The following OPHN1 variants were observed in gnomAD, a reference collection of about 807,000 sequenced individuals.
OPHN1 encodes oligophrenin 1, also known as oligophrenin-1.
A neutral mutation model predicts 60.7 loss-of-function variants in OPHN1; 11 were observed. That is an observed-to-expected ratio of 0.18 (90% CI 0.11 to 0.30). The LOEUF is 0.30. Among genes scored for constraint, OPHN1 ranks in the 10% least tolerant of loss-of-function variants. OPHN1 has a pLI of 1.00. For synonymous variants in OPHN1, 226 were observed against 222.6 expected, an observed-to-expected ratio of 1.02 and a Z score of -0.14; for missense variants, 449 against 611.0, an observed-to-expected ratio of 0.73 and a Z score of 2.80.
chrX:68,148,683 G>A (rs2077273578), intron 15 of OPHN1, among the ~76,000 whole-genome samples: 1 of 111,176 alleles, frequency 9.0e-6, no homozygotes, highest in South Asian at 3.8e-4. Flanking sequence ...TTATTAGGAA[G>A]TAATCACAGT....
chrX:68,391,793 G>A (rs1453429983), intron 2 of OPHN1, among the ~76,000 whole-genome samples: 2 of 111,433 alleles, frequency 1.8e-5, no homozygotes, highest in African/African-American at 6.5e-5. Context: ...AGAGATTGGA[G>A]CAATGTGCTT....
At chrX:68,282,117 A>C (rs1222015756) in intron 4 of OPHN1, among the ~76,000 whole-genome samples, 1 of 112,441 alleles carries the variant, frequency 8.9e-6, no homozygotes, top group Non-Finnish European at 1.9e-5. Flanking sequence ...ATCAACACAA[A>C]AACCTACATA....
At chrX:68,109,204 C>G (rs761164488) in intron 18 of OPHN1, among the ~76,000 whole-genome samples, 64 of 111,244 alleles carry the variant, frequency 5.8e-4, no homozygotes, top group Admixed American at 1.2e-3. Flanking sequence ...TTGCCAACCA[C>G]TCATCTACTT....
chrX:68,412,957 C>T (rs1164689079), intron 2 of OPHN1, among the ~76,000 whole-genome samples: 5 of 111,562 alleles, frequency 4.5e-5, no homozygotes, highest in Non-Finnish European at 7.5e-5. Context: ...GAAGGTACTG[C>T]AGATGTCAGG....
intron 20 of OPHN1, chrX:68,071,340 G>C (rs2147368866): frequency 1.4e-6 from 1 of 736,885 alleles, no homozygotes; most frequent in East Asian, 3.2e-5. Flanking sequence ...CTTCTATTTT[G>C]GCGGGCTCAC....
At chrX:68,307,171 G>T (rs1453867791) in intron 2 of OPHN1, among the ~76,000 whole-genome samples, 1 of 111,155 alleles carries the variant, frequency 9.0e-6, no homozygotes, top group Non-Finnish European at 1.9e-5. Flanking sequence ...GTCAGATGTG[G>T]TGGCTCACGC....
At chrX:68,112,767 G>A (rs991171804) in intron 17 of OPHN1, among the ~76,000 whole-genome samples, 1 of 112,003 alleles carries the variant, frequency 8.9e-6, no homozygotes, top group African/African-American at 3.2e-5. Context: ...ACAGATTAAG[G>A]ACAATGGTTC....
At chrX:68,136,948 G>T (rs2077223235) in intron 15 of OPHN1, among the ~76,000 whole-genome samples, 1 of 111,806 alleles carries the variant, frequency 8.9e-6, no homozygotes, top group Non-Finnish European at 1.9e-5. Context: ...AAGTGCATAT[G>T]GGAAGACTGA....
intron 2 of OPHN1, among the ~76,000 whole-genome samples, chrX:68,325,589 TAA>T (rs1227753308): frequency 1.5e-5 from 1 of 67,096 alleles, no homozygotes; most frequent in Non-Finnish European, 2.6e-5. Context: ...AACTTTTGGA[TAA>T]AGACCACAGT....
At chrX:68,374,313 G>A (rs2078545029) in intron 2 of OPHN1, among the ~76,000 whole-genome samples, 1 of 103,047 alleles carries the variant, frequency 9.7e-6, no homozygotes, top group Non-Finnish European at 1.9e-5. Flanking sequence ...CCGAGATCAC[G>A]CCACTGCACT....
At chrX:68,284,628 T>A (rs2078032584) in intron 3 of OPHN1, among the ~76,000 whole-genome samples, 1 of 111,813 alleles carries the variant, frequency 8.9e-6, no homozygotes, top group East Asian at 2.8e-4. Context: ...TGTGCAACTA[T>A]CACCACTGTA....
chrX:68,083,054 C>CTTTTTTTTTTTTTTTTT (rs869083899), intron 19 of OPHN1, among the ~76,000 whole-genome samples: 4 of 37,455 alleles, frequency 1.1e-4, no homozygotes, highest in Admixed American at 9.7e-4. Flanking sequence ...CTGCTAGTTT[C>CTTTTTTTTTTTTTTTTT]TTTTTTTTTT....
intron 6 of OPHN1, among the ~76,000 whole-genome samples, chrX:68,230,382 A>T (rs1468153203): frequency 1.8e-5 from 2 of 111,546 alleles, no homozygotes; most frequent in African/African-American, 6.5e-5. Context: ...TAGAACTAGA[A>T]ATACTATTTG....
At chrX:68,185,121 C>T (rs2077456684) in intron 15 of OPHN1, among the ~76,000 whole-genome samples, 1 of 112,374 alleles carries the variant, frequency 8.9e-6, no homozygotes, top group African/African-American at 3.2e-5. Flanking sequence ...TACTGATTTG[C>T]TGCTTATTAT....
chrX:68,112,102 G>T (rs2077107941), intron 17 of OPHN1, 143 bp from the exon 18 acceptor site: 1 of 439,980 alleles, frequency 2.3e-6, no homozygotes, highest in East Asian at 3.9e-5. Flanking sequence ...GAGAGATTCG[G>T]AGAAAGACAC....
intron 2 of OPHN1, among the ~76,000 whole-genome samples, chrX:68,327,788 T>TA (rs1426696978): frequency 2.1e-4 from 10 of 47,029 alleles, no homozygotes; most frequent in East Asian, 1.3e-3. Flanking sequence ...AAATAAAAAA[T>TA]AAAAAAAATA....
chrX:68,228,564 C>T (rs1254299839), intron 6 of OPHN1, among the ~76,000 whole-genome samples: 3 of 111,767 alleles, frequency 2.7e-5, no homozygotes, highest in East Asian at 5.7e-4. Context: ...TTATCCACCA[C>T]GATCAAGTTG....
chrX:68,068,643 G>A (rs2076922395), intron 20 of OPHN1, among the ~76,000 whole-genome samples: 2 of 110,483 alleles, frequency 1.8e-5, no homozygotes, highest in African/African-American at 3.3e-5. Context: ...TGTTCACAGC[G>A]GCATTATTTA....
intron 2 of OPHN1, among the ~76,000 whole-genome samples, chrX:68,379,612 CTAAT>C (rs1435437686): frequency 1.9e-5 from 2 of 107,509 alleles, no homozygotes; most frequent in African/African-American, 6.9e-5. Context: ...CCATCAATAC[CTAAT>C]TTATTGAGAG....
Sources: allele counts gnomAD v4.1 joint callset (sites outside exome capture counted in the v4.1 genomes callset), GRCh38; gene constraint gnomAD v4.1.1; transcripts MANE v1.5; gene names NCBI Gene and HGNC (gene_info 2026-07-23, HGNC 2026-07-21).